CCDC7: variants seen among roughly 807,000 people sequenced by gnomAD.
CCDC7 encodes the protein coiled-coil domain containing 7.
In CCDC7, 183 loss-of-function variants were observed where a neutral mutation model predicts 196.9. That is an observed-to-expected ratio of 0.93 (90% confidence interval 0.82 to 1.05). The LOEUF is 1.05. CCDC7 is among the 50% of genes least tolerant of loss of function. The probability of loss-of-function intolerance (pLI) is 0.00; values close to 1 mark genes in which losing one functional copy is unlikely to be tolerated. For missense variants in CCDC7, 1,540 were observed against 1,482.2 expected, an observed-to-expected ratio of 1.04 and a Z score of -0.64; for synonymous variants, 525 against 484.6, an observed-to-expected ratio of 1.08 and a Z score of -1.10.
At position 32,726,833 on chromosome 10, in the gene CCDC7, G is replaced by GTCC. The variant is rs2083202045; in HGVS notation, c.2668+2_2668+3insCCT. 1 of 1,515,446 alleles carries GTCC rather than the reference G, an allele frequency of 6.6e-7. No individual in the cohort carries two copies. Among genetic ancestry groups the GTCC allele is most frequent in the South Asian group, 1.2e-5 (1 of 83,926 alleles). 93.9% of individuals were successfully genotyped at this position (1,515,446 alleles called of 1,614,324 possible). ...ACTCCTGGAAGGGAAAGGCGTAATA[G>GTCC]TAAGTGTAGTAATTATAGATGACTT... On this transcript the variant is annotated splice_donor_variant, in intron 26 of 41. Coordinates refer to ENST00000639629, the Ensembl canonical transcript of CCDC7. LOFTEE classifies it high-confidence loss of function.
At chr10:32,770,737 T>C (rs893440993) in intron 28 of CCDC7, among the ~76,000 whole-genome samples, 1 of 152,166 alleles carries the variant, frequency 6.6e-6, no homozygotes, top group African/African-American at 2.4e-5. Flanking sequence ...ATTATTGTTT[T>C]GCTATCTTAT....
Position 32,876,342 on chromosome 10 carries a change from T to C in CCDC7, c.4112-5T>C. On this transcript the variant is annotated splice_polypyrimidine_tract_variant and splice_region_variant and intron_variant, in intron 41 of 41. Coordinates refer to ENST00000639629, the Ensembl canonical transcript of CCDC7. Reference sequence around the variant, plus strand: ...TTTCAATTAACACATAACTTTTCTTTAAAGTGTTACATGCTGCTGCCCGAA... The same window carrying C: ...TTTCAATTAACACATAACTTTTCTTCAAAGTGTTACATGCTGCTGCCCGAA... 3 of 1,607,310 alleles carry C rather than the reference T, an allele frequency of 1.9e-6. No homozygotes were observed. Among genetic ancestry groups the C allele is most frequent in the Non-Finnish European group, 2.6e-6 (3 of 1,176,092 alleles).
chr10:32,638,525 A>G (rs1426154188), intron 20 of CCDC7, among the ~76,000 whole-genome samples: 1 of 152,144 alleles, frequency 6.6e-6, no homozygotes, highest in East Asian at 1.9e-4. Flanking sequence ...TATATGCTGG[A>G]TTACATTTAT....
chr10:32,666,431 G>A (rs760716988), intron 21 of CCDC7, among the ~76,000 whole-genome samples: 1 of 151,818 alleles, frequency 6.6e-6, no homozygotes, highest in African/African-American at 2.4e-5. Flanking sequence ...CAACGTGCAG[G>A]TTTGTTACAT....
intron 28 of CCDC7, 96 bp from the exon 30 acceptor site, chr10:32,778,881 G>A: frequency 2.4e-6 from 2 of 833,710 alleles, no homozygotes; most frequent in Non-Finnish European, 3.8e-6. Context: ...TCTCGTTGTA[G>A]AGATCTTTCA....
intron 28 of CCDC7, among the ~76,000 whole-genome samples, chr10:32,776,663 T>C (rs1377093496): frequency 6.6e-6 from 1 of 152,216 alleles, no homozygotes; most frequent in Non-Finnish European, 1.5e-5. Context: ...TTAAATGAGA[T>C]AATACTTCAA....
At chr10:32,654,727 T>G (rs1183569050) in intron 20 of CCDC7, among the ~76,000 whole-genome samples, 2 of 152,176 alleles carry the variant, frequency 1.3e-5, no homozygotes, top group African/African-American at 4.8e-5. Context: ...TAGCCTTCAT[T>G]TCCTGTTTGC....
chr10:32,669,390 G>A (rs946123710), intron 21 of CCDC7, among the ~76,000 whole-genome samples: 4 of 151,934 alleles, frequency 2.6e-5, no homozygotes, highest in Non-Finnish European at 5.9e-5. Context: ...CAGTAATGCT[G>A]GCCTCCTAAA....
exon 28 of CCDC7, chr10:32,729,398 T>C: frequency 6.6e-7 from 1 of 1,514,906 alleles, no homozygotes; most frequent in East Asian, 2.3e-5. Flanking sequence ...GAGAAAGTTT[T>C]ATTATCAAGA....
chr10:32,520,972 G>C (rs894420578), intron 11 of CCDC7, among the ~76,000 whole-genome samples: 2 of 152,008 alleles, frequency 1.3e-5, no homozygotes, highest in Non-Finnish European at 2.9e-5. Flanking sequence ...TTATTGAAGA[G>C]ACTGTCTTTT....
At chr10:32,454,842 G>C (rs1266240513) in intron 2 of CCDC7, among the ~76,000 whole-genome samples, 3 of 152,076 alleles carry the variant, frequency 2.0e-5, no homozygotes, top group Non-Finnish European at 4.4e-5. Flanking sequence ...TTCCCACTCA[G>C]TCTGTCCAAT....
At chr10:32,604,739 A>G (rs9663841) in intron 18 of CCDC7, among the ~76,000 whole-genome samples, 3 of 151,960 alleles carry the variant, frequency 2.0e-5, no homozygotes, top group Admixed American at 6.6e-5. Flanking sequence ...TTAATGTTGT[A>G]TAGAAATGCA....
exon 28 of CCDC7, chr10:32,729,340 T>G: frequency 6.4e-7 from 1 of 1,561,630 alleles, no homozygotes; most frequent in Non-Finnish European, 8.7e-7. Context: ...AGCGTTTCCT[T>G]TAGAAATCAA....
chr10:32,813,350 T>G (rs1397440536), intron 30 of CCDC7, among the ~76,000 whole-genome samples: 1 of 152,216 alleles, frequency 6.6e-6, no homozygotes, highest in Non-Finnish European at 1.5e-5. Context: ...ACATAAAAAC[T>G]TAAATGGAAA....
intron 41 of CCDC7, among the ~76,000 whole-genome samples, chr10:32,856,490 G>A (rs1444205820): frequency 6.6e-6 from 1 of 152,126 alleles, no homozygotes; most frequent in Admixed American, 6.6e-5. Flanking sequence ...GATTGGGAAA[G>A]CCCTCTACAG....
chr10:32,556,435 T>C (rs549800444), intron 13 of CCDC7, among the ~76,000 whole-genome samples: 56 of 152,304 alleles, frequency 3.7e-4, no homozygotes, highest in East Asian at 1.2e-3. Flanking sequence ...CATTGAAACA[T>C]AGAAATTTTT....
At chr10:32,724,257 A>G (rs919628822) in intron 25 of CCDC7, among the ~76,000 whole-genome samples, 6 of 152,070 alleles carry the variant, frequency 3.9e-5, no homozygotes, top group African/African-American at 7.2e-5. Context: ...TGAGTGTCCC[A>G]TGCATTTCTC....
intron 18 of CCDC7, among the ~76,000 whole-genome samples, chr10:32,600,500 G>A (rs993716275): frequency 6.6e-5 from 10 of 151,790 alleles, no homozygotes; most frequent in Non-Finnish European, 1.2e-4. Flanking sequence ...TCATATCATC[G>A]GCAAACAAAA....
At chr10:32,640,137 G>C (rs1000121003) in intron 20 of CCDC7, among the ~76,000 whole-genome samples, 1 of 152,098 alleles carries the variant, frequency 6.6e-6, no homozygotes. Flanking sequence ...TGTTGACAGT[G>C]GGGTGTTAAA....
Sources: gnomAD v4.1 joint callset for allele counts (sites outside exome capture counted in the v4.1 genomes callset) on GRCh38, gnomAD v4.1.1 for gene constraint, MANE v1.5 for transcripts, NCBI Gene and HGNC (gene_info 2026-07-23, HGNC 2026-07-21) for gene names.